ARHGEF7: variants seen among roughly 807,000 people sequenced by gnomAD.
The protein encoded by ARHGEF7 is PAK-interacting exchange factor beta.
Under a neutral mutation model 109.8 loss-of-function variants are expected in ARHGEF7, and 33 were observed. The observed-to-expected ratio is 0.30, with a 90% CI of 0.23 to 0.40. ARHGEF7 has a LOEUF of 0.40. ARHGEF7 is among the 10% of genes least tolerant of loss of function. The pLI, the probability that ARHGEF7 is intolerant of heterozygous loss-of-function variation, is 1.00. For synonymous variants in ARHGEF7, 458 were observed against 424.6 expected (o/e 1.08, Z -0.97); for missense variants, 938 against 1,098.5 (o/e 0.85, Z 2.07).
chr13:111,173,130 C>T (rs2153416961), intron 2 of ARHGEF7, among the ~76,000 whole-genome samples: 1 of 152,320 alleles, frequency 6.6e-6, no homozygotes, highest in Admixed American at 6.5e-5. Flanking sequence ...TCTCAACCCA[C>T]ACCTTTTTTC....
At chr13:111,241,971 T>G (rs572577265) in intron 6 of ARHGEF7, among the ~76,000 whole-genome samples, 1 of 152,324 alleles carries the variant, frequency 6.6e-6, no homozygotes, top group Non-Finnish European at 1.5e-5. Flanking sequence ...ACAGGCCTGG[T>G]TTCGAGTAGC....
rs186468686 is a variant in ARHGEF7 at position 111,271,076 on chromosome 13, G to A, written c.1074-2738G>A. ...TCTGCCGGCAGTGATGGTGTGGGCA[G>A]TGGCCTTCATGCAGGCCGTCGTCTG... is the stretch of plus-strand genomic sequence containing the variant. On this transcript the variant is annotated intron_variant, in intron 9 of 21. Coordinates refer to ENST00000646102, the MANE Select transcript of ARHGEF7 (RefSeq NM_001354046.2). Among the ~76,000 whole-genome samples the A allele has an allele frequency of 1.4e-4, 21 of 152,336 alleles. No homozygotes were observed. In the East Asian group the frequency reaches 3.9e-3, roughly 28 times the overall value.
chr13:111,220,680 GAGCTGGCAGCAGCAGAGGA>G (rs1363454424), intron 5 of ARHGEF7, among the ~76,000 whole-genome samples: 1 of 152,142 alleles, frequency 6.6e-6, no homozygotes, highest in Non-Finnish European at 1.5e-5. Context: ...GTGGGCCCTT[GAGCTGGCAGCAGCAGAGGA>G]CGCCCTCCAA....
chr13:111,129,012 T>C (rs923521088), intron 1 of ARHGEF7, among the ~76,000 whole-genome samples: 6 of 152,150 alleles, frequency 3.9e-5, no homozygotes, highest in African/African-American at 1.4e-4. Flanking sequence ...GCAATAAAGA[T>C]AGAGAAATAG....
rs892666476 is a variant in ARHGEF7 at position 111,154,060 on chromosome 13, C to G, written c.252+69C>G. The G allele has an allele frequency of 1.9e-4, 270 of 1,444,046 alleles. 1 individual carries two copies. In the South Asian group the frequency reaches 2.1e-3, roughly 11 times the overall value. 89.5% of individuals were successfully genotyped at this position (1,444,046 alleles called of 1,614,324 possible). A position where few individuals can be genotyped will look rare whatever the true frequency, so the allele number is the denominator to read the frequency against. On this transcript the variant is annotated intron_variant, in intron 2 of 21. Transcript: ENST00000646102. ...GGGGTTGGGCCCGGGGTGGGTGCTTCGCTCCAGCCGGACCTCCTGCCTCCT... is the reference window on the plus strand; with the variant it reads ...GGGGTTGGGCCCGGGGTGGGTGCTTGGCTCCAGCCGGACCTCCTGCCTCCT...
At chr13:111,191,305 G>A (rs2079859338) in intron 2 of ARHGEF7, among the ~76,000 whole-genome samples, 1 of 152,180 alleles carries the variant, frequency 6.6e-6, no homozygotes, top group Admixed American at 6.5e-5. Context: ...CTGATAACAG[G>A]TTGCATTGGA....
chr13:111,226,007 C>T (rs538524270), intron 5 of ARHGEF7, among the ~76,000 whole-genome samples: 3 of 152,118 alleles, frequency 2.0e-5, no homozygotes, highest in African/African-American at 4.8e-5. Context: ...ACCAGTCAGT[C>T]GTGAATACAA....
intron 8 of ARHGEF7, 45 bp downstream of exon 8, chr13:111,244,339 T>A: frequency 8.5e-7 from 1 of 1,171,868 alleles, no homozygotes; most frequent in Non-Finnish European, 1.2e-6. Flanking sequence ...TTGGTATAAT[T>A]GGTATTTAAA....
chr13:111,134,927 G>A (rs1466231260), intron 1 of ARHGEF7, among the ~76,000 whole-genome samples: 3 of 152,140 alleles, frequency 2.0e-5, no homozygotes, highest in African/African-American at 4.8e-5. Context: ...ATGGTTTTAG[G>A]TCTAACATTT....
chr13:111,216,410 G>A (rs1332965702), intron 4 of ARHGEF7, among the ~76,000 whole-genome samples: 1 of 152,126 alleles, frequency 6.6e-6, no homozygotes, highest in African/African-American at 2.4e-5. Context: ...ATCACCTGCT[G>A]CCACCTGGTG....
chr13:111,165,461 G>A (rs1594173422), intron 2 of ARHGEF7, among the ~76,000 whole-genome samples: 1 of 152,188 alleles, frequency 6.6e-6, no homozygotes, highest in Non-Finnish European at 1.5e-5. Context: ...CAGTAAAGCA[G>A]TGAGGCTGTT....
intron 1 of ARHGEF7, among the ~76,000 whole-genome samples, chr13:111,132,939 C>T (rs541363377): frequency 2.6e-5 from 4 of 150,980 alleles, no homozygotes; most frequent in Non-Finnish European, 5.9e-5. Flanking sequence ...CACATAAGTA[C>T]ACACACATCT....
intron 9 of ARHGEF7, 84 bp downstream of exon 9, chr13:111,267,754 T>G: frequency 6.6e-7 from 1 of 1,520,710 alleles, no homozygotes; most frequent in Non-Finnish European, 8.9e-7. Context: ...ATGATGCTAA[T>G]AGTCCCTTGG....
At chr13:111,158,303 T>C (rs2076494876) in intron 2 of ARHGEF7, among the ~76,000 whole-genome samples, 1 of 152,298 alleles carries the variant, frequency 6.6e-6, no homozygotes, top group South Asian at 2.1e-4. Context: ...ACAAAACATT[T>C]CAGATGAAAC....
At position 111,151,134 on chromosome 13, in the gene ARHGEF7, C is replaced by T. The variant is rs528246558; in HGVS notation, c.166-2771C>T. Among the ~76,000 whole-genome samples the T allele has an allele frequency of 3.9e-5, 6 of 152,316 alleles. No homozygotes were observed. In the East Asian group the frequency reaches 9.6e-4, roughly 24 times the overall value. ...ATAGCAAGGTTGAATGCTTTAAAGTCAGGGGCTCGTGTGACCATTTACATT... is the reference window on the plus strand; with the variant it reads ...ATAGCAAGGTTGAATGCTTTAAAGTTAGGGGCTCGTGTGACCATTTACATT... On this transcript the variant is annotated intron_variant, in intron 1 of 21. Transcript: ENST00000646102.
At chr13:111,213,080 T>C (rs1210779391) in intron 4 of ARHGEF7, among the ~76,000 whole-genome samples, 2 of 152,132 alleles carry the variant, frequency 1.3e-5, no homozygotes, top group African/African-American at 4.8e-5. Context: ...GAGAGGGTAT[T>C]GTTGGTGTGA....
At chr13:111,185,639 T>G (rs927875409) in intron 2 of ARHGEF7, among the ~76,000 whole-genome samples, 2 of 152,244 alleles carry the variant, frequency 1.3e-5, no homozygotes, top group Non-Finnish European at 2.9e-5. Context: ...TCTGCCCAGA[T>G]CCTTCTTTGT....
In ARHGEF7 at chr13:111,233,283, A is replaced by G; in HGVS notation, c.749A>G (p.Tyr250Cys). The change falls in exon 6 of 22, where the codon TAT becomes TGT. Residue 250 changes from tyrosine (Y) to cysteine (C), a missense_variant. This residue lies in a region of ARHGEF7 where 585 missense variants were observed against 723.6 expected (regional missense o/e 0.81). Coordinates refer to ENST00000646102, the MANE Select transcript of ARHGEF7 (RefSeq NM_001354046.2). ...GATACGACTGCCATAAACAAAAGCTATTACAATGTGGTGAGTAATTGCAGA... is the reference window on the plus strand; with the variant it reads ...GATACGACTGCCATAAACAAAAGCTGTTACAATGTGGTGAGTAATTGCAGA... ...GFDTTAINKSYYNVVLQNILE... is the reference protein window; with the variant it reads ...GFDTTAINKSCYNVVLQNILE... 6.2e-7 allele frequency: 1 copy of G among 1,613,810 alleles called. No homozygotes were observed. Among genetic ancestry groups the G allele is most frequent in the Non-Finnish European group, 8.5e-7 (1 of 1,179,670 alleles).
Position 111,266,930 on chromosome 13 carries a change from A to C in ARHGEF7, c.951-618A>C. On this transcript the variant is annotated intron_variant, in intron 8 of 21. Transcript: ENST00000646102. The surrounding 1 kb of genome is among the most constrained non-coding windows in gnomAD (Gnocchi z 4.8). ...TAGGCACACCCAACACTGAGGCGGCACCACCAGGGGCCCTGATGCCCACAG... is the reference window on the plus strand; with the variant it reads ...TAGGCACACCCAACACTGAGGCGGCCCCACCAGGGGCCCTGATGCCCACAG... 2 of 455,858 alleles carry C rather than the reference A, an allele frequency of 4.4e-6. No homozygotes were observed. Among genetic ancestry groups the C allele is most frequent in the Non-Finnish European group, 8.8e-6 (2 of 226,644 alleles). The allele number at this position is 455,858 out of a possible 1,614,324, so 28.2% of individuals were successfully genotyped here. A position where few individuals can be genotyped will look rare whatever the true frequency, so the allele number is the denominator to read the frequency against.
Sources: gnomAD v4.1 joint callset for allele counts (sites outside exome capture counted in the v4.1 genomes callset) on GRCh38, gnomAD v4.1.1 for gene constraint, gnomAD v4.1.1 regional missense constraint, Gnocchi (gnomAD v3.1) non-coding constraint, MANE v1.5 for transcripts, NCBI Gene and HGNC (gene_info 2026-07-23, HGNC 2026-07-21) for gene names.